The following CCDC192 variants were observed in gnomAD, a reference collection of about 807,000 sequenced individuals.
The protein encoded by CCDC192 is coiled-coil domain-containing protein 192.
intron 6 of CCDC192, among the ~76,000 whole-genome samples, chr5:127,905,932 C>T (rs1472252612): frequency 2.0e-5 from 3 of 152,170 alleles, no homozygotes; most frequent in African/African-American, 7.2e-5. Flanking sequence ...AATCTAAGTG[C>T]AGGTAGAAAG....
At chr5:127,816,048 C>A (rs1749010318) in intron 5 of CCDC192, among the ~76,000 whole-genome samples, 1 of 151,934 alleles carries the variant, frequency 6.6e-6, no homozygotes, top group Non-Finnish European at 1.5e-5. Context: ...AGCTATTAGA[C>A]AATGTACTTT....
chr5:127,787,575 T>C (rs891036762), intron 3 of CCDC192, among the ~76,000 whole-genome samples: 2 of 152,212 alleles, frequency 1.3e-5, no homozygotes, highest in Non-Finnish European at 2.9e-5. Context: ...TTATTCTCTA[T>C]TGTTGTGAGA....
chr5:127,890,310 G>A (rs768912176), intron 6 of CCDC192, among the ~76,000 whole-genome samples: 7 of 152,050 alleles, frequency 4.6e-5, no homozygotes, highest in African/African-American at 9.7e-5. Context: ...CTGGGTGGTC[G>A]AGGCTACAGT....
At chr5:127,764,243 G>C (rs773777277) in intron 3 of CCDC192, among the ~76,000 whole-genome samples, 4 of 152,216 alleles carry the variant, frequency 2.6e-5, no homozygotes, top group African/African-American at 9.6e-5. Context: ...GGACAGATTT[G>C]AGAGACCAAA....
At chr5:127,856,084 G>A (rs1017848108) in intron 5 of CCDC192, among the ~76,000 whole-genome samples, 2 of 152,202 alleles carry the variant, frequency 1.3e-5, no homozygotes, top group Non-Finnish European at 2.9e-5. Context: ...AGGTATGAAA[G>A]TCCTAGATGG....
chr5:127,731,420 C>T (rs144048160), intron 2 of CCDC192, among the ~76,000 whole-genome samples: 210 of 152,086 alleles, frequency 1.4e-3, no homozygotes, highest in Middle Eastern at 3.4e-3. Context: ...GAATAAATAT[C>T]GTAAAAATGG....
At chr5:127,851,489 G>A (rs992398911) in intron 5 of CCDC192, among the ~76,000 whole-genome samples, 4 of 151,786 alleles carry the variant, frequency 2.6e-5, no homozygotes, top group East Asian at 1.9e-4. Context: ...ATGGAGTCTC[G>A]CTCTGTCACC....
At position 127,707,715 on chromosome 5, in the gene CCDC192, G is replaced by A. The variant is rs1001183918; in HGVS notation, c.69G>A (p.Thr23=). Residue 23 remains threonine (T), a synonymous_variant, in exon 2 of 7, where the codon ACG becomes ACA. Transcript: ENST00000514853. Reference sequence around the variant, plus strand: ...AATGTTTACTTTTTTTCAGCATGACGTCTGGAAGTTCAGAGTCAGATATAC... The same window carrying A: ...AATGTTTACTTTTTTTCAGCATGACATCTGGAAGTTCAGAGTCAGATATAC... ...ESDTSERSSM[T]SGSSESDIPQ... 3.8e-5 allele frequency: 15 copies of A among 398,242 alleles called. No homozygotes were observed. Among genetic ancestry groups the A allele is most frequent in the Middle Eastern group, 6.2e-4 (1 of 1,606 alleles). 24.7% of individuals were successfully genotyped at this position (398,242 alleles called of 1,614,324 possible).
chr5:127,710,110 C>T (rs1751236528), intron 2 of CCDC192, among the ~76,000 whole-genome samples: 1 of 152,126 alleles, frequency 6.6e-6, no homozygotes, highest in South Asian at 2.1e-4. Context: ...CTTGAAGGAA[C>T]TGGTTGTGCT....
chr5:127,858,923 CT>C (rs1234930178), intron 5 of CCDC192, among the ~76,000 whole-genome samples: 3 of 134,880 alleles, frequency 2.2e-5, no homozygotes, highest in Non-Finnish European at 4.9e-5. Context: ...TTATTTGACA[CT>C]TTTGTGTGCT....
chr5:127,890,192 G>A (rs1389621332), intron 6 of CCDC192, among the ~76,000 whole-genome samples: 2 of 152,234 alleles, frequency 1.3e-5, no homozygotes, highest in East Asian at 3.9e-4. Flanking sequence ...AGGCAGGATA[G>A]TGAGACCCCA....
intron 3 of CCDC192, among the ~76,000 whole-genome samples, chr5:127,782,532 G>T (rs1756290887): frequency 2.0e-5 from 3 of 151,812 alleles, no homozygotes; most frequent in Admixed American, 2.0e-4. Flanking sequence ...AATTCTTCCT[G>T]ATTTAAGCTA....
chr5:127,869,165 A>C (rs1220032010), intron 5 of CCDC192, among the ~76,000 whole-genome samples: 1 of 152,090 alleles, frequency 6.6e-6, no homozygotes, highest in South Asian at 2.1e-4. Flanking sequence ...TCTACTAAAA[A>C]TACAAAAAAT....
intron 3 of CCDC192, among the ~76,000 whole-genome samples, chr5:127,755,517 G>T (rs1754524105): frequency 1.3e-5 from 2 of 150,892 alleles, no homozygotes; most frequent in Non-Finnish European, 2.9e-5. Context: ...ATAAAAATGT[G>T]TTGCCCTTTT....
chr5:127,751,924 G>T (rs1403494899), intron 2 of CCDC192, among the ~76,000 whole-genome samples: 1 of 151,954 alleles, frequency 6.6e-6, no homozygotes, highest in Non-Finnish European at 1.5e-5. Context: ...TGAGGCTTCT[G>T]CATTCTTCAC....
chr5:127,751,971 C>T (rs536670146), intron 2 of CCDC192, among the ~76,000 whole-genome samples: 2,056 of 152,042 alleles, frequency 0.014, 21 homozygotes, highest in African/African-American at 0.028. Flanking sequence ...TCCATCAGCT[C>T]CTTTAAGCAC....
chr5:127,856,512 AT>A (rs1189337104), intron 5 of CCDC192, among the ~76,000 whole-genome samples: 2 of 152,226 alleles, frequency 1.3e-5, no homozygotes, highest in Admixed American at 1.3e-4. Flanking sequence ...CTTCAAGGAC[AT>A]TTCCTTTGCA....
intron 6 of CCDC192, among the ~76,000 whole-genome samples, chr5:127,883,321 T>C (rs1037152424): frequency 1.3e-5 from 2 of 152,194 alleles, no homozygotes; most frequent in Non-Finnish European, 1.5e-5. Flanking sequence ...ATGGGATATT[T>C]TACATTTAGA....
Position 127,768,876 on chromosome 5 carries a change from AT to A in CCDC192, c.222+14506del, listed in dbSNP as rs139204392. ...GCCCATTCCACAGGTAGGACAGGTA[AT>A]TTTTAAAGTGCTTGCCAATGTTATT... On this transcript the variant is annotated intron_variant, in intron 3 of 6. Transcript: ENST00000514853. Among the ~76,000 whole-genome samples the A allele has an allele frequency of 8.0e-3, 1,213 of 152,308 alleles. 56 individuals are homozygous for A. In the East Asian group the frequency reaches 0.16, roughly 20 times the overall value.
Sources: gnomAD v4.1 joint callset for allele counts (sites outside exome capture counted in the v4.1 genomes callset) on GRCh38, gnomAD v4.1.1 for gene constraint, MANE v1.5 for transcripts, NCBI Gene and HGNC (gene_info 2026-07-23, HGNC 2026-07-21) for gene names.